The following ICMT variants were observed in gnomAD, a reference collection of about 807,000 sequenced individuals.
ICMT encodes the protein protein-S-isoprenylcysteine O-methyltransferase.
In ICMT, 10 loss-of-function variants were observed where a neutral mutation model predicts 32.2. The ratio of observed to expected loss-of-function variants is 0.31; its 90% confidence interval spans 0.19 to 0.53. The LOEUF (loss-of-function observed/expected upper bound fraction) is 0.53. Ranked by LOEUF, ICMT falls within the 20% of genes least tolerant of loss-of-function variation. ICMT has a pLI of 0.96. For synonymous variants in ICMT, 183 were observed against 158.2 expected (o/e 1.16, Z -1.18); for missense variants, 265 against 356.9 (o/e 0.74, Z 2.07).
chr1:6,224,897 A>G lies in ICMT; in HGVS notation c.*183T>C. 1.6e-6 allele frequency: 1 copy of G among 644,790 alleles called. No individual in the cohort carries two copies. Among genetic ancestry groups the G allele is most frequent in the Admixed American group, 2.6e-5 (1 of 39,066 alleles). 39.9% of individuals were successfully genotyped at this position (644,790 alleles called of 1,614,324 possible). A position where few individuals can be genotyped will look rare whatever the true frequency, so the allele number is the denominator to read the frequency against. On this transcript the variant is annotated 3_prime_UTR_variant, in exon 5 of 5. Transcript: ENST00000343813. Reference sequence around the variant, plus strand: ...CCGCCTTGATTCGGCATAAGGACAGACTGCTCCAGTGGGGCCTTGGGTCCT... The same window carrying G: ...CCGCCTTGATTCGGCATAAGGACAGGCTGCTCCAGTGGGGCCTTGGGTCCT...
chr1:6,229,439 T>C (rs1263504214), intron 4 of ICMT, among the ~76,000 whole-genome samples: 1 of 150,438 alleles, frequency 6.6e-6, no homozygotes, highest in African/African-American at 2.5e-5. Flanking sequence ...GATCACATGA[T>C]TGCACTCCAG....
intron 1 of ICMT, among the ~76,000 whole-genome samples, chr1:6,235,288 C>T (rs1668804039): frequency 6.6e-6 from 1 of 152,162 alleles, no homozygotes; most frequent in African/African-American, 2.4e-5. Flanking sequence ...TACATTTTAG[C>T]TGTCATTATT....
At chr1:6,228,510 T>C (rs954630938) in intron 4 of ICMT, among the ~76,000 whole-genome samples, 2 of 151,770 alleles carry the variant, frequency 1.3e-5, no homozygotes, top group Non-Finnish European at 2.9e-5. Flanking sequence ...ACCAGGCTAA[T>C]TGTTTGTATT....
Position 6,235,819 on chromosome 1 carries a change from C to A in ICMT, c.93G>T (p.Pro31=). The change falls in exon 1 of 5, where the codon CCG becomes CCT. Residue 31 remains proline (P), a synonymous_variant. Transcript: ENST00000343813. ...FLLGASVLAL[P]LLTRAGLQGR... ...CCTGCAGGCCGGCGCGCGTGAGCAG[C>A]GGCAGCGCGAGCACCGAGGCGCCCA... 7.6e-7 allele frequency: 1 copy of A among 1,313,468 alleles called. No homozygotes were observed. The highest frequency in any genetic ancestry group is 1.6e-5 in the African/African-American group (1 of 64,260). 81.4% of individuals were successfully genotyped at this position (1,313,468 alleles called of 1,614,324 possible).
intron 3 of ICMT, among the ~76,000 whole-genome samples, chr1:6,233,208 C>T (rs1238333740): frequency 1.3e-5 from 2 of 152,228 alleles, no homozygotes; most frequent in Non-Finnish European, 2.9e-5. Context: ...ATTAGAATCA[C>T]AACTACTCAA....
chr1:6,226,512 GATGTGC>G (rs1304773124), intron 4 of ICMT, among the ~76,000 whole-genome samples: 21 of 152,140 alleles, frequency 1.4e-4, no homozygotes, highest in Non-Finnish European at 2.9e-5. Context: ...GTCCCCTGTG[GATGTGC>G]ATCTTCCCCA....
At position 6,224,681 on chromosome 1, in the gene ICMT, C is replaced by T. The variant is rs1668615920; in HGVS notation, c.*399G>A. On this transcript the variant is annotated 3_prime_UTR_variant, in exon 5 of 5. Transcript: ENST00000343813. The stretch of plus-strand genomic sequence containing the variant: ...TTTTTACCGCTGATAAGAAGGGGTA[C>T]CTGCTACCCCTTTCTGCTGTGGAGT... 1.2e-5 allele frequency: 2 copies of T among 168,462 alleles called. No homozygotes were observed. Among genetic ancestry groups the T allele is most frequent in the Non-Finnish European group, 2.5e-5 (2 of 79,572 alleles). 10.4% of individuals were successfully genotyped at this position (168,462 alleles called of 1,614,324 possible).
At chr1:6,233,402 C>G in intron 3 of ICMT, 72 bp downstream of exon 3, 1 of 1,389,192 alleles carries the variant, frequency 7.2e-7, no homozygotes, top group Non-Finnish European at 9.9e-7. Context: ...AAAGGTGAAT[C>G]AATGTCACTG....
chr1:6,228,315 T>G (rs1486189637), intron 4 of ICMT, among the ~76,000 whole-genome samples: 1 of 151,060 alleles, frequency 6.6e-6, no homozygotes, highest in African/African-American at 2.4e-5. Flanking sequence ...GAGAGAAGGG[T>G]TCTCACTATG....
chr1:6,235,951 T>TAGCCCGGAGAAACTCGCCGGCTGC lies in ICMT; in HGVS notation c.-41_-40insGCAGCCGGCGAGTTTCTCCGGGCT. 1 of 1,026,546 alleles carries TAGCCCGGAGAAACTCGCCGGCTGC rather than the reference T, an allele frequency of 9.7e-7. No individual in the cohort carries two copies. The highest frequency in any genetic ancestry group is 1.2e-6 in the Non-Finnish European group (1 of 842,388). 63.6% of individuals were successfully genotyped at this position (1,026,546 alleles called of 1,614,324 possible). The stretch of plus-strand genomic sequence containing the variant: ...GACTAGCGGGCGGCGGCGCCGGCTG[T>TAGCCCGGAGAAACTCGCCGGCTGC]AGCCCGGAGAAACGCGCCGGCTGCG... On this transcript the variant is annotated 5_prime_UTR_variant, in exon 1 of 5. Transcript: ENST00000343813.
rs758834421 is a variant in ICMT, at chr1:6,231,995, T to C, written c.579A>G (p.Lys193=). The C allele has an allele frequency of 3.7e-6, 6 of 1,614,014 alleles. No homozygotes were observed. The African/African-American group carries it at 8.0e-5, about 22-fold the overall frequency. ...SNFNHVVQNE[K]SDTHTLVTSG... is the part of the protein sequence containing the mutation. Reference sequence around the variant, plus strand: ...TGGTCACCAGAGTATGTGTATCTGATTTTTCATTCTGTACCACGTGGTTGA... The same window carrying C: ...TGGTCACCAGAGTATGTGTATCTGACTTTTCATTCTGTACCACGTGGTTGA... Residue 193 remains lysine (K), a synonymous_variant, in exon 4 of 5, where the codon AAA becomes AAG. Coordinates refer to ENST00000343813, the MANE Select transcript of ICMT (RefSeq NM_012405.4).
At chr1:6,226,728 CTT>C (rs1439178597) in intron 4 of ICMT, among the ~76,000 whole-genome samples, 3 of 152,166 alleles carry the variant, frequency 2.0e-5, no homozygotes, top group Non-Finnish European at 4.4e-5. Context: ...ACTATCCCCA[CTT>C]TGTTTTTTTT....
chr1:6,231,039 A>G (rs1668727577), intron 4 of ICMT, among the ~76,000 whole-genome samples: 1 of 151,804 alleles, frequency 6.6e-6, no homozygotes, highest in Non-Finnish European at 1.5e-5. Flanking sequence ...TGTCTCTACA[A>G]AAAAAATACG....
chr1:6,231,886 A>G lies in ICMT; in HGVS notation c.672+16T>C, dbSNP rs775565236. 6.2e-6 allele frequency: 9 copies of G among 1,451,310 alleles called. No homozygotes were observed. Among genetic ancestry groups the G allele is most frequent in the Admixed American group, 4.4e-5 (2 of 45,416 alleles). 89.9% of individuals were successfully genotyped at this position (1,451,310 alleles called of 1,614,324 possible). ...AAAAAAAAAAAAGAAAAGCAGTGTCATATTTAATATTATACCTGAGTTCCA... is the reference window on the plus strand; with the variant it reads ...AAAAAAAAAAAAGAAAAGCAGTGTCGTATTTAATATTATACCTGAGTTCCA... On this transcript the variant is annotated intron_variant, in intron 4 of 4. Coordinates refer to ENST00000343813, the MANE Select transcript of ICMT (RefSeq NM_012405.4).
chr1:6,235,186 C>CT (rs972021929), intron 1 of ICMT, among the ~76,000 whole-genome samples: 4 of 152,218 alleles, frequency 2.6e-5, no homozygotes, highest in Non-Finnish European at 4.4e-5. Context: ...TCTGAGCTTG[C>CT]TTCCCCATCT....
chr1:6,230,586 T>TA (rs34068915), intron 4 of ICMT, among the ~76,000 whole-genome samples: 20,932 of 104,196 alleles, frequency 0.2, 2,560 homozygotes, highest in Non-Finnish European at 0.27. Flanking sequence ...ATCCTGTCTT[T>TA]AAAAAAAAAA....
intron 4 of ICMT, among the ~76,000 whole-genome samples, chr1:6,226,536 T>A (rs571537285): frequency 1.2e-4 from 18 of 152,188 alleles, no homozygotes; most frequent in Non-Finnish European, 2.2e-4. Flanking sequence ...CCAACATACA[T>A]TTTCTGTATG....
At position 6,224,411 on chromosome 1, in the gene ICMT, T is replaced by C. The variant is rs1360343282; in HGVS notation, c.*669A>G. On this transcript the variant is annotated 3_prime_UTR_variant, in exon 5 of 5. Coordinates refer to ENST00000343813, the MANE Select transcript of ICMT (RefSeq NM_012405.4). ...CTCAGCCAAATCGTGTAGAGTTATC[T>C]AGGCTTACTTGCTGCAGGATAAAAG... 6.6e-6 allele frequency: 1 copy of C among 152,230 alleles called. No individual in the cohort carries two copies. Among genetic ancestry groups the C allele is most frequent in the African/African-American group, 2.4e-5 (1 of 41,468 alleles). The allele number at this position is 152,230 out of a possible 1,614,324, so 9.4% of individuals were successfully genotyped here. A position where few individuals can be genotyped will look rare whatever the true frequency, so the allele number is the denominator to read the frequency against.
rs1361540333 is a variant in ICMT, at chr1:6,225,221, C to G, written c.714G>C (p.Leu238=). The change falls in exon 5 of 5, where the codon CTG becomes CTC. Residue 238 remains leucine (L), a synonymous_variant. Coordinates refer to ENST00000343813, the MANE Select transcript of ICMT (RefSeq NM_012405.4). ...GATCGCGGAAGAATCGCCACACTGTCAGGGCATAGCTGACGCCGCAGATGG... is the reference window on the plus strand; with the variant it reads ...GATCGCGGAAGAATCGCCACACTGTGAGGGCATAGCTGACGCCGCAGATGG... The part of the protein sequence containing the change: ...CNPICGVSYA[L]TVWRFFRDRT... The G allele has an allele frequency of 6.2e-7, 1 of 1,613,898 alleles. No individual in the cohort carries two copies. Among genetic ancestry groups the G allele is most frequent in the African/African-American group, 1.3e-5 (1 of 74,928 alleles).
Sources: gnomAD v4.1 joint callset for allele counts (sites outside exome capture counted in the v4.1 genomes callset) on GRCh38, gnomAD v4.1.1 for gene constraint, MANE v1.5 for transcripts, NCBI Gene and HGNC (gene_info 2026-07-23, HGNC 2026-07-21) for gene names.